Variants in PCP4 observed in about 807,000 individuals in gnomAD.
PCP4 encodes calmodulin regulator protein PCP4.
A neutral mutation model predicts 10.0 loss-of-function variants in PCP4; 8 were observed. The ratio of observed to expected loss-of-function variants is 0.80; its 90% CI spans 0.47 to 1.45. The LOEUF (loss-of-function observed/expected upper bound fraction) is 1.45. PCP4 is among the 40% of genes most tolerant of loss of function. The probability of loss-of-function intolerance (pLI) is 0.00; values close to 1 mark genes in which losing one functional copy is unlikely to be tolerated. For synonymous variants in PCP4, 21 were observed against 23.0 expected, an observed-to-expected ratio of 0.91 and a Z score of 0.24; for missense variants, 54 against 74.4, an observed-to-expected ratio of 0.73 and a Z score of 1.01.
intron 1 of PCP4, among the ~76,000 whole-genome samples, chr21:39,888,419 T>C (rs1187964798): frequency 1.3e-5 from 2 of 152,204 alleles, no homozygotes; most frequent in Non-Finnish European, 2.9e-5. Flanking sequence ...CTGTCACTGA[T>C]GGATAAGTGG....
intron 2 of PCP4, among the ~76,000 whole-genome samples, chr21:39,927,225 CCTGT>C (rs71661492): frequency 0.31 from 47,697 of 151,660 alleles, 8,005 homozygotes; most frequent in Admixed American, 0.39. Context: ...CTATCTATTA[CCTGT>C]CTATCTGTAT....
intron 1 of PCP4, among the ~76,000 whole-genome samples, chr21:39,887,370 A>T (rs1488534963): frequency 1.5e-3 from 207 of 137,342 alleles, no homozygotes; most frequent in African/African-American, 2.7e-3. Context: ...TTTTTTTTTT[A>T]AAAAACCTTC....
chr21:39,922,539 C>G (rs904422131), intron 2 of PCP4, among the ~76,000 whole-genome samples: 1 of 152,126 alleles, frequency 6.6e-6, no homozygotes, highest in South Asian at 2.1e-4. Context: ...AATCAGGGGA[C>G]GTTCCAAGCC....
chr21:39,899,673 G>C (rs776287858), intron 2 of PCP4, among the ~76,000 whole-genome samples: 13 of 152,162 alleles, frequency 8.5e-5, no homozygotes, highest in Non-Finnish European at 1.8e-4. Context: ...CTAGGGGGCT[G>C]GGAGAAGAAG....
chr21:39,882,053 A>T (rs1373927011), intron 1 of PCP4, among the ~76,000 whole-genome samples: 1 of 152,228 alleles, frequency 6.6e-6, no homozygotes, highest in Non-Finnish European at 1.5e-5. Flanking sequence ...AGCTGCTCTT[A>T]CTATGACTGA....
chr21:39,923,242 G>A (rs966682128), intron 2 of PCP4, among the ~76,000 whole-genome samples: 2 of 152,184 alleles, frequency 1.3e-5, no homozygotes, highest in Non-Finnish European at 2.9e-5. Flanking sequence ...AGAATTAGGC[G>A]TCTCTCTGAA....
rs571070146 is a variant in PCP4, at chr21:39,881,570, G to A, written c.9+14060G>A. ...ACATCTGCAGTTCTGACATCACAGC[G>A]GACACGGGACTCTGAGTGATGCATT... is the stretch of plus-strand genomic sequence containing the variant. On this transcript the variant is annotated intron_variant, in intron 1 of 2. Coordinates refer to ENST00000328619, the MANE Select transcript of PCP4 (RefSeq NM_006198.3). Among the ~76,000 whole-genome samples the A allele has an allele frequency of 7.2e-5, 11 of 152,258 alleles. No individual in the cohort carries two copies. The South Asian group carries it at 2.3e-3, about 32-fold the overall frequency.
intron 2 of PCP4, among the ~76,000 whole-genome samples, chr21:39,919,151 G>C (rs2087582789): frequency 6.6e-6 from 1 of 152,172 alleles, no homozygotes; most frequent in Non-Finnish European, 1.5e-5. Flanking sequence ...TCTGCCTCAA[G>C]GGCAAGGGTT....
chr21:39,881,949 T>C (rs2087377821), intron 1 of PCP4, among the ~76,000 whole-genome samples: 1 of 152,192 alleles, frequency 6.6e-6, no homozygotes, highest in Non-Finnish European at 1.5e-5. Context: ...TTGGGCATAA[T>C]CCTAAGCCTC....
intron 1 of PCP4, among the ~76,000 whole-genome samples, chr21:39,897,633 T>C (rs1339156625): frequency 1.3e-5 from 2 of 152,178 alleles, no homozygotes; most frequent in African/African-American, 4.8e-5. Flanking sequence ...AAAGACTTCA[T>C]ACTTCTAGTT....
At chr21:39,908,508 A>G (rs2087523868) in intron 2 of PCP4, among the ~76,000 whole-genome samples, 1 of 152,136 alleles carries the variant, frequency 6.6e-6, no homozygotes, top group African/African-American at 2.4e-5. Context: ...CTCCCCTGTA[A>G]GCTGGGGTTT....
At chr21:39,899,570 C>G (rs1375990245) in intron 2 of PCP4, among the ~76,000 whole-genome samples, 1 of 152,112 alleles carries the variant, frequency 6.6e-6, no homozygotes, top group Non-Finnish European at 1.5e-5. Flanking sequence ...TAGGGCAGTC[C>G]TATTGGGCAG....
intron 2 of PCP4, among the ~76,000 whole-genome samples, chr21:39,910,343 A>G (rs1351861418): frequency 1.3e-5 from 2 of 152,106 alleles, no homozygotes; most frequent in Non-Finnish European, 2.9e-5. Context: ...GGGGCTAATC[A>G]TCGTGGGACC....
At chr21:39,892,325 A>G (rs1045727377) in intron 1 of PCP4, among the ~76,000 whole-genome samples, 6 of 152,246 alleles carry the variant, frequency 3.9e-5, no homozygotes, top group African/African-American at 1.4e-4. Context: ...ATAATTGTTC[A>G]TGATCATCTC....
intron 1 of PCP4, among the ~76,000 whole-genome samples, chr21:39,871,002 CAT>C (rs1568848183): frequency 6.6e-6 from 1 of 152,216 alleles, no homozygotes; most frequent in Non-Finnish European, 1.5e-5. Flanking sequence ...TTTAGATACA[CAT>C]GTCTGTTCTT....
intron 1 of PCP4, among the ~76,000 whole-genome samples, chr21:39,883,088 A>G (rs1005949042): frequency 1.3e-5 from 2 of 151,066 alleles, no homozygotes; most frequent in East Asian, 3.9e-4. Context: ...ATTCAACACC[A>G]ATTCAGGAAG....
chr21:39,925,985 C>T, intron 2 of PCP4: 1 of 455,194 alleles, frequency 2.2e-6, no homozygotes, highest in African/African-American at 2.0e-5. Flanking sequence ...TCCAGGGCCA[C>T]AGACCATTTG....
intron 2 of PCP4, among the ~76,000 whole-genome samples, chr21:39,909,782 CTTCCT>C (rs2087530493): frequency 7.3e-6 from 1 of 137,378 alleles, no homozygotes; most frequent in African/African-American, 2.7e-5. Flanking sequence ...AAATTTCTTC[CTTCCT>C]TTCTTTTCTT....
At position 39,929,156 on chromosome 21, in the gene PCP4, C is replaced by G. The variant is rs748488833; in HGVS notation, c.*45C>G. The G allele has an allele frequency of 2.5e-6, 4 of 1,571,410 alleles. No individual in the cohort carries two copies. On this transcript the variant is annotated 3_prime_UTR_variant, in exon 3 of 3. Transcript: ENST00000328619. ...TCCACCTGAAAACACCAAATTCAAC[C>G]ATCATCTGTCAAGAAATTAAAAGAA...
Sources: allele counts gnomAD v4.1 joint callset (sites outside exome capture counted in the v4.1 genomes callset), GRCh38; gene constraint gnomAD v4.1.1; transcripts MANE v1.5; gene names NCBI Gene and HGNC (gene_info 2026-07-23, HGNC 2026-07-21).